The following SIPA1L2 variants were observed in gnomAD, a reference collection of about 807,000 sequenced individuals.
The protein encoded by SIPA1L2 is signal induced proliferation associated 1 like 2.
Under a neutral mutation model 163.9 loss-of-function variants are expected in SIPA1L2, and 56 were observed. The ratio of observed to expected loss-of-function variants is 0.34; its 90% CI spans 0.28 to 0.43. The LOEUF is 0.43. Ranked by LOEUF, SIPA1L2 falls within the 20% of genes least tolerant of loss-of-function variation. The pLI, the probability that SIPA1L2 is intolerant of heterozygous loss-of-function variation, is 1.00. For missense variants in SIPA1L2, 1,974 were observed against 2,193.5 expected, an observed-to-expected ratio of 0.90 and a Z score of 2.00; for synonymous variants, 877 against 865.7, an observed-to-expected ratio of 1.01 and a Z score of -0.23.
chr1:232,572,940 G>A (rs1414254208), intron 2 of SIPA1L2, among the ~76,000 whole-genome samples: 2 of 151,440 alleles, frequency 1.3e-5, no homozygotes, highest in East Asian at 1.9e-4. Flanking sequence ...CACCATGCCC[G>A]TCTAATTTTT....
At chr1:232,409,955 T>C (rs1660855156) in intron 19 of SIPA1L2, among the ~76,000 whole-genome samples, 1 of 151,216 alleles carries the variant, frequency 6.6e-6, no homozygotes, top group South Asian at 2.1e-4. Context: ...TATTTCAAAA[T>C]ATCTAATTAC....
intron 6 of SIPA1L2, among the ~76,000 whole-genome samples, chr1:232,480,983 T>C (rs1354696691): frequency 3.3e-5 from 5 of 152,198 alleles, no homozygotes; most frequent in African/African-American, 4.8e-5. Context: ...AGTTCTTAGA[T>C]GCTCCAAAAG....
At position 232,439,302 on chromosome 1, in the gene SIPA1L2, G is replaced by A. The variant is rs1417985150; in HGVS notation, c.3837C>T (p.Gly1279=). 1.9e-6 allele frequency: 3 copies of A among 1,614,074 alleles called. No homozygotes were observed. The African/African-American group carries it at 4.0e-5, about 22-fold the overall frequency. ...TAPCMPATIL[G]PVHLAGSRSL... is the part of the protein sequence containing the mutation. The stretch of plus-strand genomic sequence containing the variant: ...ACCTGCTGCCTGCCAGGTGCACAGG[G>A]CCGAGGATGGTGGCAGGCATGCAGG... Residue 1279 remains glycine (G), a synonymous_variant, in exon 15 of 23, where the codon GGC becomes GGT. Coordinates refer to ENST00000674635, the MANE Select transcript of SIPA1L2 (RefSeq NM_020808.5).
chr1:232,601,942 C>A (rs144849996), intron 1 of SIPA1L2, among the ~76,000 whole-genome samples: 160 of 152,300 alleles, frequency 1.1e-3, no homozygotes, highest in South Asian at 8.5e-3. Flanking sequence ...TGGGATGTCA[C>A]CTTACAAGCA....
intron 21 of SIPA1L2, chr1:232,402,815 A>G: frequency 5.2e-6 from 1 of 191,248 alleles, no homozygotes; most frequent in Non-Finnish European, 1.1e-5. Context: ...CCCTATGATA[A>G]CAATATTATG....
intron 2 of SIPA1L2, among the ~76,000 whole-genome samples, chr1:232,527,440 A>G (rs1367734844): frequency 6.6e-6 from 1 of 152,224 alleles, no homozygotes; most frequent in Non-Finnish European, 1.5e-5. Context: ...CACTAGGCAC[A>G]GGGAGCAAAT....
chr1:232,597,494 G>A (rs374416523), intron 1 of SIPA1L2, among the ~76,000 whole-genome samples: 171 of 150,622 alleles, frequency 1.1e-3, no homozygotes, highest in South Asian at 0.01. Context: ...TGGCTAACAC[G>A]GTGAAACCCC....
intron 1 of SIPA1L2, among the ~76,000 whole-genome samples, chr1:232,597,523 C>CAAAAA (rs66718972): frequency 5.4e-4 from 68 of 126,770 alleles, no homozygotes; most frequent in Middle Eastern, 3.8e-3. Context: ...TAAAAAATAC[C>CAAAAA]AAAAAAAAAA....
intron 1 of SIPA1L2, among the ~76,000 whole-genome samples, chr1:232,620,865 A>G (rs1662770431): frequency 6.6e-6 from 1 of 152,244 alleles, no homozygotes; most frequent in Non-Finnish European, 1.5e-5. Flanking sequence ...CAAAGTCTAC[A>G]TAGGCTACAT....
intron 2 of SIPA1L2, among the ~76,000 whole-genome samples, chr1:232,535,812 C>CA (rs1657270289): frequency 6.6e-6 from 1 of 152,190 alleles, no homozygotes; most frequent in East Asian, 1.9e-4. Flanking sequence ...TGAAAAGCAA[C>CA]AAAAAATTGG....
At chr1:232,507,019 G>T (rs989747931) in intron 3 of SIPA1L2, among the ~76,000 whole-genome samples, 1 of 152,148 alleles carries the variant, frequency 6.6e-6, no homozygotes. Context: ...CATTTGTTAT[G>T]ATGAACGAAT....
At chr1:232,443,777 T>C (rs1368320837) in intron 11 of SIPA1L2, 92 bp from the exon 12 acceptor site, 7 of 934,156 alleles carry the variant, frequency 7.5e-6, no homozygotes, top group Non-Finnish European at 1.1e-5. Flanking sequence ...AAATATACTT[T>C]GAGAATGACA....
intron 18 of SIPA1L2, chr1:232,415,885 C>A (rs1661226109): frequency 4.1e-6 from 1 of 244,670 alleles, no homozygotes; most frequent in Non-Finnish European, 6.7e-6. Context: ...TCAGTCAGAA[C>A]ACGGGCACCA....
chr1:232,433,342 A>C (rs1406843059), intron 15 of SIPA1L2, among the ~76,000 whole-genome samples: 1 of 152,200 alleles, frequency 6.6e-6, no homozygotes, highest in East Asian at 1.9e-4. Flanking sequence ...GGTAAAAGTA[A>C]ACAACATGTC....
intron 1 of SIPA1L2, among the ~76,000 whole-genome samples, chr1:232,614,370 G>A (rs568760559): frequency 2.6e-5 from 4 of 152,180 alleles, no homozygotes; most frequent in South Asian, 4.2e-4. Flanking sequence ...CACAAGTTTC[G>A]TACTTCAGTT....
At chr1:232,600,551 GC>G (rs1166790935) in intron 1 of SIPA1L2, among the ~76,000 whole-genome samples, 1 of 152,136 alleles carries the variant, frequency 6.6e-6, no homozygotes, top group South Asian at 2.1e-4. Context: ...TCTGAAACAG[GC>G]TTTTTTGTTT....
At chr1:232,558,965 C>A (rs879937205) in intron 2 of SIPA1L2, among the ~76,000 whole-genome samples, 2 of 152,164 alleles carry the variant, frequency 1.3e-5, no homozygotes, top group Non-Finnish European at 2.9e-5. Flanking sequence ...AGGGCTGAGG[C>A]AAAAATTTAA....
In SIPA1L2 at chr1:232,515,347, G is replaced by A. The variant is rs765138957; in HGVS notation, c.-8C>T. 32 of 1,567,346 alleles carry A rather than the reference G, an allele frequency of 2.0e-5. No homozygotes were observed. Among genetic ancestry groups the A allele is most frequent in the Admixed American group, 1.3e-4 (7 of 54,212 alleles). On this transcript the variant is annotated 5_prime_UTR_variant, in exon 3 of 23. Transcript: ENST00000674635. ...CTGCCTTGGGTCACTCATGTCTACC[G>A]AGGAAGAGCCTCCAAGTCTCACCAG...
chr1:232,467,531 A>T (rs74569591), intron 8 of SIPA1L2, among the ~76,000 whole-genome samples: 7 of 152,136 alleles, frequency 4.6e-5, no homozygotes, highest in African/African-American at 1.7e-4. Context: ...TGGACTTGTG[A>T]TTAGTCTAAC....
Sources: allele counts gnomAD v4.1 joint callset (sites outside exome capture counted in the v4.1 genomes callset), GRCh38; gene constraint gnomAD v4.1.1; transcripts MANE v1.5; gene names NCBI Gene and HGNC (gene_info 2026-07-23, HGNC 2026-07-21).